Variants in LOC400499 observed in about 807,000 individuals in gnomAD.
At chr16:11,428,775 G>C in the LOC400499 span, among the ~76,000 whole-genome samples, 1 of 152,188 alleles carries the variant, frequency 6.6e-6, no homozygotes, top group Non-Finnish European at 1.5e-5. Context: ...ATTCAAGATG[G>C]AGTTGCTCTG....
chr16:11,379,621 G>A, the LOC400499 span, among the ~76,000 whole-genome samples: 60 of 152,228 alleles, frequency 3.9e-4, no homozygotes, highest in Non-Finnish European at 7.1e-4. Flanking sequence ...CAAGGACTGC[G>A]GTGACCAGTT....
At chr16:11,411,910 T>C in the LOC400499 span, among the ~76,000 whole-genome samples, 1 of 151,758 alleles carries the variant, frequency 6.6e-6, no homozygotes, top group African/African-American at 2.4e-5. Flanking sequence ...TCACCCAGGC[T>C]GGAGTGCAGT....
the LOC400499 span, among the ~76,000 whole-genome samples, chr16:11,432,983 T>C: frequency 6.6e-6 from 1 of 152,208 alleles, no homozygotes; most frequent in Non-Finnish European, 1.5e-5. Context: ...CGTGTATCTT[T>C]TTAAAATCTA....
chr16:11,519,686 G>C, the LOC400499 span, among the ~76,000 whole-genome samples: 3,335 of 151,204 alleles, frequency 0.022, 88 homozygotes, highest in East Asian at 0.12. Flanking sequence ...GACACAAAAA[G>C]TCACGTATTA....
chr16:11,505,049 C>G, the LOC400499 span, among the ~76,000 whole-genome samples: 2 of 152,098 alleles, frequency 1.3e-5, 1 homozygote, highest in African/African-American at 4.8e-5. Flanking sequence ...AGGCAGGGGC[C>G]GGTGGCCGCA....
the LOC400499 span, among the ~76,000 whole-genome samples, chr16:11,498,774 T>A: frequency 6.6e-6 from 1 of 151,700 alleles, no homozygotes; most frequent in African/African-American, 2.4e-5. Context: ...CACAAGCCGA[T>A]CGATGCCACC....
chr16:11,424,007 G>T, the LOC400499 span: 3 of 398,816 alleles, frequency 7.5e-6, no homozygotes, highest in Non-Finnish European at 1.3e-5. Flanking sequence ...CAGCCCGGCC[G>T]CCAGACTACG....
At chr16:11,508,582 C>T in the LOC400499 span, 2 of 396,564 alleles carry the variant, frequency 5.0e-6, no homozygotes, top group Non-Finnish European at 8.9e-6. Flanking sequence ...AGTGCACAAC[C>T]TACCCACCCA....
At chr16:11,392,905 G>A in the LOC400499 span, 3 of 587,122 alleles carry the variant, frequency 5.1e-6, no homozygotes, top group Non-Finnish European at 6.5e-6. Flanking sequence ...CTAGGCTGGT[G>A]TGTGGTGACA....
chr16:11,479,299 G>A, the LOC400499 span, among the ~76,000 whole-genome samples: 54 of 152,156 alleles, frequency 3.5e-4, 1 homozygote, highest in African/African-American at 1.3e-3. Flanking sequence ...TTTATTTTAG[G>A]ATAATTTTAG....
the LOC400499 span, among the ~76,000 whole-genome samples, chr16:11,464,698 A>G: frequency 1.3e-5 from 2 of 152,214 alleles, no homozygotes; most frequent in African/African-American, 2.4e-5. Flanking sequence ...CAGGCTCCAG[A>G]AAGTTCCGGA....
At chr16:11,457,113 G>A in the LOC400499 span, 1 of 1,419,508 alleles carries the variant, frequency 7.0e-7, no homozygotes, top group East Asian at 2.5e-5. Flanking sequence ...CCGGGAAGTT[G>A]AGGCAGCAGC....
chr16:11,382,004 G>A, the LOC400499 span, among the ~76,000 whole-genome samples: 2 of 151,548 alleles, frequency 1.3e-5, no homozygotes, highest in Admixed American at 6.6e-5. Flanking sequence ...GTGCAGTGGC[G>A]CAATCTCGGC....
the LOC400499 span, chr16:11,387,102 A>G: frequency 6.5e-6 from 8 of 1,232,442 alleles, no homozygotes; most frequent in Non-Finnish European, 8.1e-6. Context: ...AGCCCGGGGC[A>G]GGACTCACAT....
At chr16:11,388,353 A>G in the LOC400499 span, among the ~76,000 whole-genome samples, 1 of 152,306 alleles carries the variant, frequency 6.6e-6, no homozygotes, top group South Asian at 2.1e-4. Flanking sequence ...AGGAACTTGT[A>G]TCACAGGGAG....
chr16:11,448,875 G>C, the LOC400499 span: 2 of 1,364,952 alleles, frequency 1.5e-6, no homozygotes, highest in African/African-American at 2.8e-5. Flanking sequence ...CCGAGGTGAG[G>C]GATTCGGTGG....
the LOC400499 span, chr16:11,392,587 G>T: frequency 2.5e-6 from 1 of 406,470 alleles, no homozygotes; most frequent in Non-Finnish European, 4.2e-6. Context: ...GCTCCCCACT[G>T]CCCCAGGCCA....
the LOC400499 span, among the ~76,000 whole-genome samples, chr16:11,451,544 C>T: frequency 7.1e-6 from 1 of 140,826 alleles, no homozygotes; most frequent in Non-Finnish European, 1.6e-5. Context: ...GAGGGAGACC[C>T]TGTCTCAAAA....
the LOC400499 span, among the ~76,000 whole-genome samples, chr16:11,406,537 A>G: frequency 6.6e-6 from 1 of 152,162 alleles, no homozygotes; most frequent in Non-Finnish European, 1.5e-5. Flanking sequence ...GGTTCAAGCA[A>G]TTCTCCTGCC....
Sources: allele counts gnomAD v4.1 joint callset (sites outside exome capture counted in the v4.1 genomes callset), GRCh38; gene constraint gnomAD v4.1.1; transcripts MANE v1.5.